CERT1: variants seen among roughly 807,000 people sequenced by gnomAD.
The protein encoded by CERT1 is ceramide transporter 1.
In CERT1, 31 loss-of-function variants were observed where a neutral mutation model predicts 87.9. The ratio of observed to expected loss-of-function variants is 0.35; its 90% confidence interval spans 0.27 to 0.48. The LOEUF is 0.48. Among genes scored for constraint, CERT1 ranks in the 20% least tolerant of loss-of-function variants. The probability of loss-of-function intolerance (pLI) is 0.99; values close to 1 mark genes in which losing one functional copy is unlikely to be tolerated. For synonymous variants in CERT1, 289 were observed against 250.9 expected, an observed-to-expected ratio of 1.15 and a Z score of -1.44; for missense variants, 487 against 758.0, an observed-to-expected ratio of 0.64 and a Z score of 4.20.
intron 11 of CERT1, among the ~76,000 whole-genome samples, chr5:75,395,277 C>T (rs1762201092): frequency 1.3e-5 from 2 of 152,140 alleles, no homozygotes; most frequent in African/African-American, 4.8e-5. Context: ...AATCTAAATT[C>T]TTTCTATTCT....
intron 11 of CERT1, among the ~76,000 whole-genome samples, chr5:75,392,015 A>G (rs951866525): frequency 1.3e-5 from 2 of 152,228 alleles, no homozygotes; most frequent in African/African-American, 4.8e-5. Flanking sequence ...CTTTTGTCAA[A>G]AAGAATGCAG....
At chr5:75,438,975 A>C (rs1341685323) in intron 3 of CERT1, among the ~76,000 whole-genome samples, 3 of 151,690 alleles carry the variant, frequency 2.0e-5, no homozygotes, top group Non-Finnish European at 4.4e-5. Flanking sequence ...TTAAATTAAC[A>C]ATCTTTTGGC....
At chr5:75,404,781 G>C (rs891849924) in intron 8 of CERT1, among the ~76,000 whole-genome samples, 10 of 152,028 alleles carry the variant, frequency 6.6e-5, no homozygotes, top group African/African-American at 1.2e-4. Flanking sequence ...GACCAAGGAG[G>C]GGAGATCACA....
chr5:75,466,445 G>A (rs1452071701), intron 2 of CERT1, among the ~76,000 whole-genome samples: 1 of 152,150 alleles, frequency 6.6e-6, no homozygotes, highest in Non-Finnish European at 1.5e-5. Context: ...TTACAGATTA[G>A]TGGGATATTC....
chr5:75,497,451 C>G (rs1580856889), intron 2 of CERT1, among the ~76,000 whole-genome samples: 1 of 152,126 alleles, frequency 6.6e-6, no homozygotes, highest in East Asian at 1.9e-4. Flanking sequence ...ATTTAGTAAT[C>G]TGCCAAAGGT....
intron 7 of CERT1, among the ~76,000 whole-genome samples, 200 bp from the exon 8 acceptor site, chr5:75,411,303 T>G (rs376898156): frequency 6.6e-6 from 1 of 151,812 alleles, no homozygotes; most frequent in East Asian, 1.9e-4. Context: ...AACCTACTAT[T>G]TATGTATGTA....
chr5:75,474,604 T>C (rs1765874664), intron 2 of CERT1, among the ~76,000 whole-genome samples: 1 of 152,066 alleles, frequency 6.6e-6, no homozygotes, highest in Non-Finnish European at 1.5e-5. Context: ...TGGATGATAG[T>C]CTCATGTAGT....
chr5:75,488,084 G>C (rs1372568639), intron 2 of CERT1, among the ~76,000 whole-genome samples: 1 of 151,538 alleles, frequency 6.6e-6, no homozygotes, highest in East Asian at 1.9e-4. Context: ...GAGTGTGGAG[G>C]GTTAATAAGT....
intron 8 of CERT1, among the ~76,000 whole-genome samples, chr5:75,409,140 G>A (rs972431429): frequency 2.0e-5 from 3 of 151,694 alleles, no homozygotes; most frequent in African/African-American, 7.3e-5. Context: ...TTAAAAAGTT[G>A]GTATTTCTTC....
chr5:75,450,349 G>A (rs1764723344), intron 3 of CERT1, among the ~76,000 whole-genome samples: 1 of 152,126 alleles, frequency 6.6e-6, no homozygotes, highest in South Asian at 2.1e-4. Context: ...GAGATTCTAA[G>A]ACTAACAGAA....
At chr5:75,485,078 A>G (rs764551047) in intron 2 of CERT1, among the ~76,000 whole-genome samples, 1 of 152,094 alleles carries the variant, frequency 6.6e-6, no homozygotes, top group Non-Finnish European at 1.5e-5. Context: ...GGAACTAAAC[A>G]ACACGCTCCA....
At chr5:75,488,307 C>T (rs991804403) in intron 2 of CERT1, among the ~76,000 whole-genome samples, 10 of 151,646 alleles carry the variant, frequency 6.6e-5, no homozygotes, top group Admixed American at 5.9e-4. Flanking sequence ...TCTCATCTAC[C>T]CCATTAATAC....
At chr5:75,487,117 A>G (rs1175432318) in intron 2 of CERT1, among the ~76,000 whole-genome samples, 2 of 152,150 alleles carry the variant, frequency 1.3e-5, no homozygotes, top group Non-Finnish European at 2.9e-5. Context: ...ACAGTTTGGT[A>G]CTGGCATATA....
At chr5:75,397,383 A>C (rs116409442) in intron 11 of CERT1, among the ~76,000 whole-genome samples, 1 of 152,218 alleles carries the variant, frequency 6.6e-6, no homozygotes, top group African/African-American at 2.4e-5. Context: ...TATTAATATT[A>C]CGAAGAAGTA....
At chr5:75,436,395 T>C (rs1003952807) in intron 3 of CERT1, among the ~76,000 whole-genome samples, 5 of 152,190 alleles carry the variant, frequency 3.3e-5, no homozygotes, top group African/African-American at 1.2e-4. Flanking sequence ...AAAGGTATCA[T>C]GTTAGGTCCT....
chr5:75,488,411 T>C (rs1388719105), intron 2 of CERT1, among the ~76,000 whole-genome samples: 1 of 152,072 alleles, frequency 6.6e-6, no homozygotes. Context: ...AAATGTTGTT[T>C]CTTCCAAAAA....
chr5:75,404,796 G>T lies in CERT1; in HGVS notation c.931-1738C>A, dbSNP rs534120719. On this transcript the variant is annotated intron_variant, in intron 8 of 16. Transcript: ENST00000643780. The stretch of plus-strand genomic sequence containing the variant: ...GACCAAGGAGGGGAGATCACATGAG[G>T]CCAGGAGCTCTGGACTAGCCAGGCC... Among the ~76,000 whole-genome samples, 609 of 152,200 alleles carry T rather than the reference G, an allele frequency of 4.0e-3. 6 individuals are homozygous for T. The highest frequency in any genetic ancestry group is 0.014 in the African/African-American group (584 of 41,524).
chr5:75,480,894 C>T (rs1259748060), intron 2 of CERT1, among the ~76,000 whole-genome samples: 1 of 152,178 alleles, frequency 6.6e-6, no homozygotes, highest in Non-Finnish European at 1.5e-5. Flanking sequence ...TGGTCCCAGC[C>T]ACCAGCATCT....
At chr5:75,393,365 T>G (rs1349476730) in intron 11 of CERT1, among the ~76,000 whole-genome samples, 2 of 151,758 alleles carry the variant, frequency 1.3e-5, no homozygotes, top group African/African-American at 2.4e-5. Flanking sequence ...AATTCTAACC[T>G]TTTCTTCCAT....
Sources: allele counts gnomAD v4.1 joint callset (sites outside exome capture counted in the v4.1 genomes callset), GRCh38; gene constraint gnomAD v4.1.1; transcripts MANE v1.5; gene names NCBI Gene and HGNC (gene_info 2026-07-23, HGNC 2026-07-21).